SIL1: variants seen among roughly 807,000 people sequenced by gnomAD.
SIL1 encodes nucleotide exchange factor SIL1.
SIL1 carries 40 observed loss-of-function variants against 49.1 expected under a neutral mutation model. The observed-to-expected ratio is 0.81, with a 90% CI of 0.63 to 1.06. SIL1 has a LOEUF of 1.06. SIL1 is among the 50% of genes least tolerant of loss of function. SIL1 has a pLI of 0.00. For missense variants in SIL1, 500 were observed against 572.6 expected, an observed-to-expected ratio of 0.87 and a Z score of 1.29; for synonymous variants, 253 against 250.8, an observed-to-expected ratio of 1.01 and a Z score of -0.08.
At chr5:139,040,184 T>C (rs901627044) in intron 5 of SIL1, among the ~76,000 whole-genome samples, 1 of 152,192 alleles carries the variant, frequency 6.6e-6, no homozygotes. Context: ...GCTTGATATA[T>C]GTAAGAAACT....
intron 2 of SIL1, among the ~76,000 whole-genome samples, chr5:139,125,377 C>T (rs980037989): frequency 3.9e-5 from 6 of 152,196 alleles, no homozygotes; most frequent in African/African-American, 4.8e-5. Context: ...CACTTCCTTG[C>T]GCTTGTATCC....
intron 3 of SIL1, among the ~76,000 whole-genome samples, chr5:139,109,243 A>T: frequency 6.6e-6 from 1 of 152,220 alleles, no homozygotes; most frequent in East Asian, 1.9e-4. Flanking sequence ...AACCATCTTT[A>T]GGGAACAATT....
chr5:138,986,694 G>A (rs558617449), intron 7 of SIL1, among the ~76,000 whole-genome samples: 39 of 152,164 alleles, frequency 2.6e-4, no homozygotes, highest in African/African-American at 4.8e-4. Flanking sequence ...TGCCTCCTTC[G>A]GGGACTAATA....
At chr5:138,997,358 C>T (rs866085045) in intron 7 of SIL1, among the ~76,000 whole-genome samples, 13 of 152,096 alleles carry the variant, frequency 8.5e-5, no homozygotes, top group Non-Finnish European at 1.3e-4. Context: ...TATGGTTATC[C>T]GGTTTTCCCA....
At chr5:139,125,721 T>C (rs1012092797) in intron 2 of SIL1, among the ~76,000 whole-genome samples, 11 of 152,166 alleles carry the variant, frequency 7.2e-5, no homozygotes, top group African/African-American at 2.7e-4. Flanking sequence ...AAGGGTCAAA[T>C]TGCCAAAGTG....
chr5:139,013,239 G>A (rs561272692), intron 7 of SIL1, among the ~76,000 whole-genome samples: 1 of 152,288 alleles, frequency 6.6e-6, no homozygotes, highest in East Asian at 1.9e-4. Context: ...TCTATCAAGA[G>A]TGCTTCCTAT....
chr5:139,160,919 G>A (rs575734231), intron 1 of SIL1, among the ~76,000 whole-genome samples: 43 of 152,244 alleles, frequency 2.8e-4, no homozygotes, highest in Admixed American at 1.8e-3. Context: ...AAGGATAGGG[G>A]ATAGTCAGTA....
At chr5:139,105,767 A>G (rs1770692394) in intron 3 of SIL1, among the ~76,000 whole-genome samples, 1 of 152,232 alleles carries the variant, frequency 6.6e-6, no homozygotes, top group Non-Finnish European at 1.5e-5. Flanking sequence ...ACCCTTGAGC[A>G]CAGGCTTATG....
chr5:139,155,141 A>G (rs1278258408), intron 1 of SIL1, among the ~76,000 whole-genome samples: 2 of 152,230 alleles, frequency 1.3e-5, no homozygotes, highest in African/African-American at 4.8e-5. Context: ...ATCCACAGGA[A>G]AGCAGGAACA....
chr5:139,145,629 CGTGT>C (rs57675583), intron 1 of SIL1, among the ~76,000 whole-genome samples: 6,104 of 142,494 alleles, frequency 0.043, 170 homozygotes, highest in Admixed American at 0.087. Context: ...GGTGTGGGGG[CGTGT>C]GTGTGTGTGT....
intron 1 of SIL1, among the ~76,000 whole-genome samples, chr5:139,195,515 G>A (rs541429201): frequency 1.3e-5 from 2 of 152,260 alleles, no homozygotes; most frequent in South Asian, 4.1e-4. Flanking sequence ...AGCCTCCTGA[G>A]TAGCTGGGAC....
intron 7 of SIL1, among the ~76,000 whole-genome samples, chr5:138,953,906 C>T (rs1251807993): frequency 6.6e-6 from 1 of 152,184 alleles, no homozygotes; most frequent in Non-Finnish European, 1.5e-5. Context: ...GCCAAGGAGT[C>T]CCATCCCTCA....
intron 1 of SIL1, among the ~76,000 whole-genome samples, chr5:139,173,341 G>C (rs1286874038): frequency 1.3e-5 from 2 of 152,064 alleles, no homozygotes; most frequent in African/African-American, 4.8e-5. Flanking sequence ...CTTGAGGTCA[G>C]GAGTTTGAGA....
chr5:139,004,760 G>A (rs4835713), intron 7 of SIL1, among the ~76,000 whole-genome samples: 137,259 of 152,278 alleles, frequency 0.9, 62,134 homozygotes, highest in East Asian at 1. Context: ...ACACAATGGA[G>A]TATTATTCAG....
chr5:139,167,341 G>A (rs368976463), intron 1 of SIL1, among the ~76,000 whole-genome samples: 3 of 152,318 alleles, frequency 2.0e-5, no homozygotes, highest in South Asian at 2.1e-4. Flanking sequence ...ATTATCACAG[G>A]AAATGACAGT....
At chr5:139,031,617 T>A (rs951447243) in intron 5 of SIL1, among the ~76,000 whole-genome samples, 11 of 152,172 alleles carry the variant, frequency 7.2e-5, no homozygotes, top group African/African-American at 2.7e-4. Flanking sequence ...CATACAAACT[T>A]TAGAATAAGC....
At chr5:139,116,495 G>A (rs1770991976) in intron 3 of SIL1, among the ~76,000 whole-genome samples, 1 of 152,240 alleles carries the variant, frequency 6.6e-6, no homozygotes, top group Non-Finnish European at 1.5e-5. Flanking sequence ...GAGCCCACAT[G>A]GGGCCAACAT....
chr5:139,061,028 G>A (rs1029825563), intron 3 of SIL1, among the ~76,000 whole-genome samples: 5 of 152,208 alleles, frequency 3.3e-5, no homozygotes, highest in Non-Finnish European at 7.3e-5. Context: ...GGTGAGGGCT[G>A]TGAAAAATGC....
chr5:138,994,408 T>C (rs564152964), intron 7 of SIL1, among the ~76,000 whole-genome samples: 6 of 152,188 alleles, frequency 3.9e-5, no homozygotes, highest in Non-Finnish European at 8.8e-5. Context: ...ACAAAAGAGA[T>C]TGATTCACTA....
Sources: allele counts gnomAD v4.1 joint callset (sites outside exome capture counted in the v4.1 genomes callset), GRCh38; gene constraint gnomAD v4.1.1; transcripts MANE v1.5; gene names NCBI Gene and HGNC (gene_info 2026-07-23, HGNC 2026-07-21).